Variants in MTUS2 observed in about 807,000 individuals in gnomAD.
MTUS2 encodes the protein microtubule associated scaffold protein 2.
MTUS2 carries 40 observed loss-of-function variants against 114.1 expected under a neutral mutation model. The observed-to-expected ratio is 0.35, with a 90% CI of 0.27 to 0.46. The LOEUF (loss-of-function observed/expected upper bound fraction) is 0.46, where lower values mean the gene tolerates loss of function less well. Among genes scored for constraint, MTUS2 ranks in the 20% least tolerant of loss-of-function variants. The pLI, the probability that MTUS2 is intolerant of heterozygous loss-of-function variation, is 1.00. For missense variants in MTUS2, 1,679 were observed against 1,705.4 expected, an observed-to-expected ratio of 0.98 and a Z score of 0.27; for synonymous variants, 688 against 672.0, an observed-to-expected ratio of 1.02 and a Z score of -0.37.
chr13:28,959,539 TA>T (rs924118348), intron 2 of MTUS2, among the ~76,000 whole-genome samples: 1 of 33,478 alleles, frequency 3.0e-5, no homozygotes, highest in Non-Finnish European at 7.5e-5. Flanking sequence ...GTACACAAAG[TA>T]TTAGTGTCAG....
At chr13:29,180,290 A>G (rs1351960830) in intron 5 of MTUS2, among the ~76,000 whole-genome samples, 4 of 152,342 alleles carry the variant, frequency 2.6e-5, no homozygotes, top group South Asian at 4.1e-4. Context: ...CTTGACCCCA[A>G]TACCTCCAAA....
chr13:29,020,473 G>A (rs1015774574), intron 2 of MTUS2, among the ~76,000 whole-genome samples: 6 of 152,150 alleles, frequency 3.9e-5, no homozygotes, highest in African/African-American at 7.2e-5. Flanking sequence ...TTACTTTGCC[G>A]CTGTCTTATG....
intron 8 of MTUS2, among the ~76,000 whole-genome samples, chr13:29,405,641 C>G (rs770906824): frequency 6.6e-6 from 1 of 151,952 alleles, no homozygotes; most frequent in African/African-American, 2.4e-5. Context: ...TTGCTACCAG[C>G]GAGATGCAAC....
intron 5 of MTUS2, among the ~76,000 whole-genome samples, chr13:29,234,130 A>G (rs540919862): frequency 2.0e-5 from 3 of 152,304 alleles, no homozygotes; most frequent in African/African-American, 7.2e-5. Context: ...TATAATGATA[A>G]TATGGTTTTA....
chr13:28,994,584 A>T (rs976106806), intron 2 of MTUS2, among the ~76,000 whole-genome samples: 1 of 152,142 alleles, frequency 6.6e-6, no homozygotes, highest in Non-Finnish European at 1.5e-5. Context: ...CTTTTTAGTG[A>T]TCGCTATTCT....
intron 7 of MTUS2, among the ~76,000 whole-genome samples, chr13:29,354,325 T>A (rs1211006447): frequency 6.6e-6 from 1 of 151,598 alleles, no homozygotes; most frequent in East Asian, 1.9e-4. Context: ...GTAGCCATAT[T>A]TGAATGTAAA....
intron 2 of MTUS2, among the ~76,000 whole-genome samples, chr13:28,903,144 A>G (rs1879748368): frequency 1.3e-5 from 2 of 152,162 alleles, no homozygotes; most frequent in South Asian, 2.1e-4. Context: ...TCTTTTAGAA[A>G]TATATTATTT....
At chr13:29,102,553 GA>G (rs1450982621) in intron 5 of MTUS2, among the ~76,000 whole-genome samples, 3 of 152,160 alleles carry the variant, frequency 2.0e-5, no homozygotes, top group African/African-American at 4.8e-5. Flanking sequence ...ATGTGCCAGA[GA>G]AAATAACTCC....
chr13:29,182,588 T>G (rs1894052712), intron 5 of MTUS2, among the ~76,000 whole-genome samples: 1 of 152,216 alleles, frequency 6.6e-6, no homozygotes, highest in Non-Finnish European at 1.5e-5. Context: ...CTTAGCTAGA[T>G]TCTTAGGATA....
At chr13:29,127,169 A>C (rs1050364368) in intron 5 of MTUS2, among the ~76,000 whole-genome samples, 1 of 152,158 alleles carries the variant, frequency 6.6e-6, no homozygotes, top group Non-Finnish European at 1.5e-5. Flanking sequence ...CTTCCTCCAG[A>C]GATCCTTACC....
At chr13:29,021,081 A>G (rs1334149730) in intron 2 of MTUS2, among the ~76,000 whole-genome samples, 1 of 152,190 alleles carries the variant, frequency 6.6e-6, no homozygotes, top group African/African-American at 2.4e-5. Context: ...AGTCTGGTCA[A>G]TGTATCGAGA....
At chr13:29,375,581 ATATATACGT>A (rs1566163507) in intron 8 of MTUS2, among the ~76,000 whole-genome samples, 439 of 4,790 alleles carry the variant, frequency 0.092, 53 homozygotes, top group Middle Eastern at 0.3. Context: ...ATACATATAT[ATATATACGT>A]ATATATATAT....
chr13:29,504,132 C>A lies in MTUS2; in HGVS notation c.*926C>A. The stretch of plus-strand genomic sequence containing the variant: ...ACCTTTGAGTAAGAGTGAGGATGAC[C>A]TTGCAGATGACTGTGCCCATTCGCG... On this transcript the variant is annotated 3_prime_UTR_variant, in exon 16 of 16. Transcript: ENST00000612955. The A allele has an allele frequency of 4.3e-6, 1 of 232,244 alleles. No homozygotes were observed. Among genetic ancestry groups the A allele is most frequent in the Non-Finnish European group, 8.5e-6 (1 of 117,406 alleles). 14.4% of individuals were successfully genotyped at this position (232,244 alleles called of 1,614,324 possible).
chr13:29,186,751 A>G (rs116576975), intron 5 of MTUS2, among the ~76,000 whole-genome samples: 210 of 152,352 alleles, frequency 1.4e-3, no homozygotes, highest in African/African-American at 4.8e-3. Context: ...AACTTTAGCA[A>G]TACTATAAAT....
intron 6 of MTUS2, among the ~76,000 whole-genome samples, chr13:29,298,760 T>G (rs1397143018): frequency 6.6e-6 from 1 of 152,258 alleles, no homozygotes; most frequent in Non-Finnish European, 1.5e-5. Flanking sequence ...TCCTTTAATG[T>G]AAATAACTCT....
At chr13:29,284,041 C>T (rs80081032) in intron 6 of MTUS2, among the ~76,000 whole-genome samples, 1 of 152,150 alleles carries the variant, frequency 6.6e-6, no homozygotes, top group African/African-American at 2.4e-5. Context: ...TATTCTTTGA[C>T]ATAATAGTCT....
At chr13:28,898,159 A>T (rs1430819787) in intron 2 of MTUS2, among the ~76,000 whole-genome samples, 1 of 152,162 alleles carries the variant, frequency 6.6e-6, no homozygotes, top group Non-Finnish European at 1.5e-5. Flanking sequence ...ACAAAATAAA[A>T]ATACGGGGTT....
At chr13:29,102,011 G>GT (rs1566009539) in intron 5 of MTUS2, among the ~76,000 whole-genome samples, 1 of 152,162 alleles carries the variant, frequency 6.6e-6, no homozygotes, top group African/African-American at 2.4e-5. Context: ...TTCTAAGGGT[G>GT]TTTTATTTGC....
At chr13:29,067,786 G>A (rs1161328868) in intron 4 of MTUS2, among the ~76,000 whole-genome samples, 2 of 152,122 alleles carry the variant, frequency 1.3e-5, no homozygotes, top group African/African-American at 4.8e-5. Flanking sequence ...GGTGATAACT[G>A]TTAGACAAGG....
Sources: gnomAD v4.1 joint callset for allele counts (sites outside exome capture counted in the v4.1 genomes callset) on GRCh38, gnomAD v4.1.1 for gene constraint, MANE v1.5 for transcripts, NCBI Gene and HGNC (gene_info 2026-07-23, HGNC 2026-07-21) for gene names.